Variants in PCDH15 observed in about 807,000 individuals in gnomAD.
PCDH15 encodes the protein protocadherin related 15.
Under a neutral mutation model 178.5 loss-of-function variants are expected in PCDH15, and 129 were observed. The observed-to-expected ratio is 0.72, with a 90% CI of 0.63 to 0.84. The LOEUF is 0.84. PCDH15 is among the 40% of genes least tolerant of loss of function. PCDH15 has a pLI of 0.00. For missense variants in PCDH15, 2,230 were observed against 2,099.9 expected, an observed-to-expected ratio of 1.06 and a Z score of -1.21; for synonymous variants, 800 against 732.0, an observed-to-expected ratio of 1.09 and a Z score of -1.50.
chr10:53,807,144 C>T lies in PCDH15; in HGVS notation c.4672-14G>A. On this transcript the variant is annotated splice_polypyrimidine_tract_variant and intron_variant, in intron 37 of 37. Coordinates refer to ENST00000644397, the MANE Select transcript of PCDH15 (RefSeq NM_001384140.1). The stretch of plus-strand genomic sequence containing the variant: ...TTTTCTTGCCCACTGATAAAATAAA[C>T]AAAAATATGTGAGTCACTATCAAAT... 1 of 1,560,782 alleles carries T rather than the reference C, an allele frequency of 6.4e-7. No individual in the cohort carries two copies. The highest frequency in any genetic ancestry group is 8.7e-7 in the Non-Finnish European group (1 of 1,155,668).
chr10:54,913,348 A>C (rs1243810395), intron 2 of PCDH15, among the ~76,000 whole-genome samples: 1 of 152,138 alleles, frequency 6.6e-6, no homozygotes, highest in East Asian at 1.9e-4. Context: ...AGGTCCAGCC[A>C]TCAGAAGGTG....
intron 2 of PCDH15, among the ~76,000 whole-genome samples, chr10:55,401,643 G>A (rs1241485594): frequency 9.5e-5 from 12 of 126,256 alleles, no homozygotes; most frequent in Non-Finnish European, 2.0e-4. Flanking sequence ...TGTGTAGTGA[G>A]TAGCCACTAG....
chr10:54,231,457 C>A (rs1428049822), intron 9 of PCDH15, among the ~76,000 whole-genome samples: 1 of 152,238 alleles, frequency 6.6e-6, no homozygotes, highest in Middle Eastern at 3.2e-3. Context: ...CCTCATGGAA[C>A]ACCTCTACCA....
chr10:54,892,077 A>G (rs865891838), intron 3 of PCDH15, among the ~76,000 whole-genome samples: 2 of 152,118 alleles, frequency 1.3e-5, no homozygotes, highest in Non-Finnish European at 2.9e-5. Context: ...CACCCCACAT[A>G]CATACACCCC....
chr10:55,277,542 G>A (rs1403573109), intron 1 of PCDH15, among the ~76,000 whole-genome samples: 1 of 151,968 alleles, frequency 6.6e-6, no homozygotes, highest in Non-Finnish European at 1.5e-5. Flanking sequence ...AAAAGAACCT[G>A]TACACCACTG....
At chr10:54,449,018 T>A (rs546580239) in intron 3 of PCDH15, among the ~76,000 whole-genome samples, 24 of 151,890 alleles carry the variant, frequency 1.6e-4, no homozygotes, top group Non-Finnish European at 2.8e-4. Flanking sequence ...TCCACTTTTT[T>A]CTTTTTCCCC....
intron 35 of PCDH15, among the ~76,000 whole-genome samples, chr10:53,815,888 C>G (rs1232329060): frequency 6.6e-6 from 1 of 152,042 alleles, no homozygotes; most frequent in Non-Finnish European, 1.5e-5. Context: ...TTTGCATAAT[C>G]TAAATCTGAT....
chr10:55,586,981 C>T (rs1842737863), intron 2 of PCDH15, among the ~76,000 whole-genome samples: 1 of 151,996 alleles, frequency 6.6e-6, no homozygotes, highest in African/African-American at 2.4e-5. Context: ...AACTACAGAA[C>T]CAGGTTAAAG....
chr10:54,863,469 G>A (rs986876310), intron 3 of PCDH15, among the ~76,000 whole-genome samples: 1 of 152,164 alleles, frequency 6.6e-6, no homozygotes, highest in Admixed American at 6.5e-5. Context: ...GTGAACCCAG[G>A]AGGCGGAGCT....
chr10:55,210,618 C>CTTTT (rs11412877), intron 1 of PCDH15, among the ~76,000 whole-genome samples: 527 of 40,378 alleles, frequency 0.013, 32 homozygotes, highest in African/African-American at 0.022. Flanking sequence ...TTTTTCTTTT[C>CTTTT]TTTTTTTTTT....
At chr10:55,026,819 A>C (rs1223338238) in intron 2 of PCDH15, among the ~76,000 whole-genome samples, 1 of 151,992 alleles carries the variant, frequency 6.6e-6, no homozygotes, top group Non-Finnish European at 1.5e-5. Flanking sequence ...GCCAGTTAGA[A>C]GAAGTTTAAA....
chr10:54,827,596 C>G (rs1280201262), intron 3 of PCDH15, among the ~76,000 whole-genome samples: 2 of 151,980 alleles, frequency 1.3e-5, no homozygotes, highest in South Asian at 4.1e-4. Flanking sequence ...AATTTCATTC[C>G]TTTTTCTCTC....
chr10:55,348,780 C>T (rs1175223557), intron 2 of PCDH15, among the ~76,000 whole-genome samples: 1 of 151,934 alleles, frequency 6.6e-6, no homozygotes, highest in Non-Finnish European at 1.5e-5. Flanking sequence ...AACAATAATC[C>T]CAGTGTAACT....
intron 2 of PCDH15, among the ~76,000 whole-genome samples, chr10:54,994,570 C>T (rs1160485276): frequency 1.3e-5 from 2 of 151,950 alleles, no homozygotes; most frequent in Non-Finnish European, 1.5e-5. Context: ...TAGAAGTTTA[C>T]ATTATAAAAT....
chr10:55,367,571 A>G (rs1188132721), intron 2 of PCDH15, among the ~76,000 whole-genome samples: 1 of 152,024 alleles, frequency 6.6e-6, no homozygotes, highest in Non-Finnish European at 1.5e-5. Flanking sequence ...AAATAGTGAG[A>G]CCCTCTCTCA....
chr10:55,436,322 G>T (rs1029652637), intron 2 of PCDH15, among the ~76,000 whole-genome samples: 5 of 151,966 alleles, frequency 3.3e-5, no homozygotes, highest in African/African-American at 1.2e-4. Context: ...ACATATCAGT[G>T]CCTTTAAAAT....
chr10:54,434,993 G>C (rs1378229943), intron 3 of PCDH15, among the ~76,000 whole-genome samples: 1 of 152,066 alleles, frequency 6.6e-6, no homozygotes, highest in Non-Finnish European at 1.5e-5. Flanking sequence ...TTGAAACTAG[G>C]AAAGGGGTTT....
At chr10:54,680,778 T>C (rs751160474) in intron 1 of PCDH15, among the ~76,000 whole-genome samples, 2 of 152,180 alleles carry the variant, frequency 1.3e-5, no homozygotes, top group African/African-American at 2.4e-5. Flanking sequence ...TCTGCCATGA[T>C]TGTGAGGCCT....
intron 2 of PCDH15, among the ~76,000 whole-genome samples, chr10:55,531,299 A>C (rs1841449671): frequency 6.6e-6 from 1 of 151,978 alleles, no homozygotes; most frequent in South Asian, 2.1e-4. Context: ...CATTATGATC[A>C]AGTGTTATCT....
Sources: allele counts gnomAD v4.1 joint callset (sites outside exome capture counted in the v4.1 genomes callset), GRCh38; gene constraint gnomAD v4.1.1; transcripts MANE v1.5; gene names NCBI Gene and HGNC (gene_info 2026-07-23, HGNC 2026-07-21).